The following LPIN1 variants were observed in gnomAD, a reference collection of about 807,000 sequenced individuals.
The protein encoded by LPIN1 is lipin 1, also known as phosphatidate phosphatase LPIN1.
LPIN1 carries 71 observed loss-of-function variants against 107.5 expected under a neutral mutation model. The ratio of observed to expected loss-of-function variants is 0.66; its 90% confidence interval spans 0.55 to 0.80. The LOEUF is 0.80. Ranked by LOEUF, LPIN1 falls within the 30% of genes least tolerant of loss-of-function variation. The pLI is 0.00. For synonymous variants in LPIN1, 445 were observed against 452.6 expected (o/e 0.98, Z 0.21); for missense variants, 1,043 against 1,160.6 (o/e 0.90, Z 1.47).
intron 3 of LPIN1, among the ~76,000 whole-genome samples, chr2:11,769,978 C>T (rs972290158): frequency 5.3e-5 from 8 of 152,346 alleles, no homozygotes; most frequent in African/African-American, 1.9e-4. Context: ...GAGGACCCAG[C>T]ATCTCCCCTT....
chr2:11,713,357 G>A (rs769339302), intron 1 of LPIN1, among the ~76,000 whole-genome samples: 9 of 152,086 alleles, frequency 5.9e-5, no homozygotes, highest in Non-Finnish European at 8.8e-5. Flanking sequence ...TGCAACCTCC[G>A]CCCCCAGGGT....
chr2:11,738,876 C>T (rs368283438), intron 1 of LPIN1, among the ~76,000 whole-genome samples: 2 of 152,168 alleles, frequency 1.3e-5, no homozygotes, highest in South Asian at 4.1e-4. Context: ...AGGAAACCAC[C>T]AAGGAAGGAG....
chr2:11,809,563 T>C (rs1679301858), intron 17 of LPIN1, among the ~76,000 whole-genome samples: 1 of 152,184 alleles, frequency 6.6e-6, no homozygotes, highest in South Asian at 2.1e-4. Flanking sequence ...ATTACAGGCA[T>C]GTGCCACCAC....
intron 17 of LPIN1, among the ~76,000 whole-genome samples, chr2:11,813,393 A>G (rs960258494): frequency 1.3e-5 from 2 of 152,204 alleles, no homozygotes; most frequent in East Asian, 3.8e-4. Context: ...TTAATTAAAA[A>G]GTAAACTTTA....
rs533163976 is a variant in LPIN1 at position 11,786,728 on chromosome 2, C to A, written c.1550-346C>A. On this transcript the variant is annotated intron_variant, in intron 10 of 20. Coordinates refer to ENST00000674199, the MANE Select transcript of LPIN1 (RefSeq NM_001349206.2). This position sits in a 1 kb window ranked among gnomAD's most constrained non-coding sequence, Gnocchi z 4.1. ...TTACCCCCGTAATCGTGACTTCAGC[C>A]GAGGGAGCCTGGCTTCTGCGCCATG... Among the ~76,000 whole-genome samples the A allele has an allele frequency of 3.9e-4, 59 of 152,330 alleles. No individual in the cohort carries two copies. In the South Asian group the frequency reaches 7.7e-3, roughly 20 times the overall value.
chr2:11,732,247 A>C (rs1482180160), intron 1 of LPIN1, among the ~76,000 whole-genome samples: 1 of 152,226 alleles, frequency 6.6e-6, no homozygotes, highest in Admixed American at 6.5e-5. Context: ...TATCATTAAT[A>C]CTATTGCCAT....
At chr2:11,808,946 A>C (rs1679189507) in intron 17 of LPIN1, among the ~76,000 whole-genome samples, 1 of 151,998 alleles carries the variant, frequency 6.6e-6, no homozygotes. Context: ...CTGAAACAAC[A>C]GTGAATAAGG....
chr2:11,804,976 G>A (rs1307546343), intron 16 of LPIN1, 94 bp from the exon 17 acceptor site: 1 of 807,990 alleles, frequency 1.2e-6, no homozygotes, highest in African/African-American at 1.8e-5. Flanking sequence ...TGTGGGTCTT[G>A]TTTGTGTTTT....
intron 14 of LPIN1, 108 bp downstream of exon 14, chr2:11,795,595 C>T (rs1676563562): frequency 9.8e-7 from 1 of 1,019,970 alleles, no homozygotes; most frequent in Non-Finnish European, 1.5e-6. Flanking sequence ...CCAACTCTGG[C>T]TCTGTGATTC....
Position 11,815,115 on chromosome 2 carries a change from T to C in LPIN1, c.2277T>C (p.Ser759=), listed in dbSNP as rs747041106. ...SQNGYKFLYC[S]ARAIGMADMT... Reference sequence around the variant, plus strand: ...ATGGATATAAATTTCTCTACTGTTCTGCCCGTGCCATCGGGATGGCGGACA... The same window carrying C: ...ATGGATATAAATTTCTCTACTGTTCCGCCCGTGCCATCGGGATGGCGGACA... Residue 759 remains serine, a synonymous_variant, in exon 18 of 21, where the codon TCT becomes TCC. Coordinates refer to ENST00000674199, the MANE Select transcript of LPIN1 (RefSeq NM_001349206.2). The C allele has an allele frequency of 2.5e-6, 4 of 1,614,114 alleles. No individual in the cohort carries two copies. The highest frequency in any genetic ancestry group is 1.6e-4 in the Middle Eastern group (1 of 6,084).
intron 9 of LPIN1, chr2:11,784,178 C>T (rs925798413): frequency 5.5e-6 from 4 of 728,868 alleles, no homozygotes; most frequent in Middle Eastern, 5.2e-4. Flanking sequence ...CTGGCATGCA[C>T]CTGTAATCCC....
In LPIN1 at chr2:11,803,200, T is replaced by C. The variant is rs1033587173; in HGVS notation, c.2013+167T>C. 4.6e-5 allele frequency among the ~76,000 whole-genome samples: 7 copies of C among 152,210 alleles called. No individual in the cohort carries two copies. The highest frequency in any genetic ancestry group is 7.3e-5 in the Non-Finnish European group (5 of 68,046). On this transcript the variant is annotated intron_variant, in intron 15 of 20. Coordinates refer to ENST00000674199, the MANE Select transcript of LPIN1 (RefSeq NM_001349206.2). This position sits in a 1 kb window ranked among gnomAD's most constrained non-coding sequence, Gnocchi z 4.2. ...GCTGTTTCCACCCCAACTCCAGCAC[T>C]ATCCAGGCTGGGTCCCCAATATGAC... is the stretch of plus-strand genomic sequence containing the variant.
At chr2:11,699,902 A>G (rs1662781679) in intron 1 of LPIN1, among the ~76,000 whole-genome samples, 1 of 152,076 alleles carries the variant, frequency 6.6e-6, no homozygotes, top group African/African-American at 2.4e-5. Flanking sequence ...GCTTTGGGAA[A>G]ATTACTCAAC....
intron 17 of LPIN1, among the ~76,000 whole-genome samples, chr2:11,812,020 TTGA>T (rs1394997380): frequency 6.6e-6 from 1 of 152,242 alleles, no homozygotes; most frequent in African/African-American, 2.4e-5. Context: ...TTAATTTTGT[TTGA>T]TTTTCAGATG....
intron 1 of LPIN1, among the ~76,000 whole-genome samples, chr2:11,686,977 G>A (rs56215920): frequency 0.011 from 1,561 of 143,242 alleles, 21 homozygotes; most frequent in Admixed American, 0.033. Flanking sequence ...CCTGCTCCAT[G>A]TCATAGCTTT....
At chr2:11,685,746 G>C (rs1482823685) in intron 1 of LPIN1, among the ~76,000 whole-genome samples, 5 of 152,218 alleles carry the variant, frequency 3.3e-5, no homozygotes, top group Non-Finnish European at 7.3e-5. Context: ...TCCCATCGAG[G>C]AATGTGTGTA....
intron 4 of LPIN1, 146 bp from the exon 5 acceptor site, chr2:11,773,474 C>T (rs1312188278): frequency 2.9e-6 from 2 of 681,288 alleles, no homozygotes; most frequent in East Asian, 5.3e-5. Flanking sequence ...CACTTTTTCC[C>T]CCTCCACTGC....
chr2:11,802,438 G>A (rs775103931), intron 14 of LPIN1, among the ~76,000 whole-genome samples: 4 of 152,132 alleles, frequency 2.6e-5, no homozygotes, highest in Non-Finnish European at 4.4e-5. Flanking sequence ...GCACCTGTCC[G>A]TAAGTCCTAG....
intron 17 of LPIN1, chr2:11,805,480 GA>G (rs2148704065): frequency 2.2e-6 from 1 of 458,420 alleles, no homozygotes; most frequent in East Asian, 4.3e-5. Context: ...GCCAGTTGAA[GA>G]AATAGGAGCT....
Sources: allele counts gnomAD v4.1 joint callset (sites outside exome capture counted in the v4.1 genomes callset), GRCh38; gene constraint gnomAD v4.1.1; non-coding constraint Gnocchi (gnomAD v3.1); transcripts MANE v1.5; gene names NCBI Gene and HGNC (gene_info 2026-07-23, HGNC 2026-07-21).